CAMTA1: variants seen among roughly 807,000 people sequenced by gnomAD.
CAMTA1 encodes the protein calmodulin binding transcription activator 1.
Under a neutral mutation model 170.9 loss-of-function variants are expected in CAMTA1, and 27 were observed. That is an observed-to-expected ratio of 0.16 (90% CI 0.12 to 0.22). The LOEUF (loss-of-function observed/expected upper bound fraction) is 0.22. Among genes scored for constraint, CAMTA1 ranks in the 10% least tolerant of loss-of-function variants. The pLI is 1.00. For synonymous variants in CAMTA1, 833 were observed against 891.5 expected (o/e 0.93, Z 1.17); for missense variants, 1,619 against 2,217.2 (o/e 0.73, Z 5.42).
chr1:7,214,855 CTTTCT>C (rs1659463485), intron 4 of CAMTA1, among the ~76,000 whole-genome samples: 1 of 79,362 alleles, frequency 1.3e-5, no homozygotes, highest in Non-Finnish European at 2.4e-5. Context: ...CTTTTTCTTT[CTTTCT>C]TTTTTTTTTT....
At chr1:6,996,317 A>G (rs901807263) in intron 3 of CAMTA1, among the ~76,000 whole-genome samples, 2 of 152,194 alleles carry the variant, frequency 1.3e-5, no homozygotes, top group Non-Finnish European at 2.9e-5. Flanking sequence ...CTGTTACGCT[A>G]TTCAGAATAA....
chr1:7,510,469 G>A (rs1438300059), intron 6 of CAMTA1, among the ~76,000 whole-genome samples: 2 of 146,070 alleles, frequency 1.4e-5, no homozygotes, highest in Non-Finnish European at 3.1e-5. Flanking sequence ...CACTTGTTAA[G>A]AGGATCAGGG....
At chr1:7,177,220 G>T (rs1008051308) in intron 4 of CAMTA1, among the ~76,000 whole-genome samples, 1 of 149,742 alleles carries the variant, frequency 6.7e-6, no homozygotes, top group Non-Finnish European at 1.5e-5. Flanking sequence ...CCCACACAGT[G>T]AGGCACCACC....
chr1:7,378,300 CAGAG>C (rs2087001322), intron 5 of CAMTA1, among the ~76,000 whole-genome samples: 1 of 151,966 alleles, frequency 6.6e-6, no homozygotes, highest in Non-Finnish European at 1.5e-5. Flanking sequence ...ATCCTAGCTT[CAGAG>C]AGAGAGAGGA....
rs926262925 is a variant in CAMTA1 at position 7,173,897 on chromosome 1, C to T, written c.303-75594C>T. ...ACCCAGGGGACCCACAGGGACTCAA[C>T]AGGACCCAGCAGGTACCAACAAAAC... On this transcript the variant is annotated intron_variant, in intron 4 of 22. Transcript: ENST00000303635. This position sits in a 1 kb window ranked among gnomAD's most constrained non-coding sequence, Gnocchi z 5.4. Among the ~76,000 whole-genome samples, 1 of 152,088 alleles carries T rather than the reference C, an allele frequency of 6.6e-6. No individual in the cohort carries two copies. Among genetic ancestry groups the T allele is most frequent in the Non-Finnish European group, 1.5e-5 (1 of 68,012 alleles).
At chr1:6,804,114 G>T (rs534386557) in intron 1 of CAMTA1, among the ~76,000 whole-genome samples, 1 of 152,162 alleles carries the variant, frequency 6.6e-6, no homozygotes, top group South Asian at 2.1e-4. Context: ...AACCCGGGAG[G>T]CAGAGGTTGC....
chr1:7,451,865 G>A (rs2092832809), intron 5 of CAMTA1, among the ~76,000 whole-genome samples: 1 of 152,188 alleles, frequency 6.6e-6, no homozygotes, highest in Non-Finnish European at 1.5e-5. Flanking sequence ...AGCTCTGCTG[G>A]GCCGCGTGTG....
intron 5 of CAMTA1, among the ~76,000 whole-genome samples, chr1:7,302,465 C>G (rs903304263): frequency 1.3e-5 from 2 of 152,184 alleles, no homozygotes; most frequent in Non-Finnish European, 1.5e-5. Flanking sequence ...GAGAAATACC[C>G]GAAATATGGG....
chr1:7,164,841 A>G (rs1468818110), intron 4 of CAMTA1, among the ~76,000 whole-genome samples: 1 of 152,176 alleles, frequency 6.6e-6, no homozygotes, highest in Non-Finnish European at 1.5e-5. Context: ...ACACCAAGAG[A>G]ATGATGCAGA....
At chr1:7,623,429 C>T (rs2095612312) in intron 6 of CAMTA1, among the ~76,000 whole-genome samples, 1 of 152,202 alleles carries the variant, frequency 6.6e-6, no homozygotes, top group Non-Finnish European at 1.5e-5. Context: ...GGACCCCAGT[C>T]ATTTCAGGTT....
chr1:6,914,730 G>A (rs77086330), intron 3 of CAMTA1, among the ~76,000 whole-genome samples: 15,709 of 152,256 alleles, frequency 0.1, 1,262 homozygotes, highest in Admixed American at 0.26. Flanking sequence ...AACGAGCCAG[G>A]GGCTTTTAGT....
At chr1:7,593,489 CTT>C (rs35614673) in intron 6 of CAMTA1, among the ~76,000 whole-genome samples, 16 of 134,146 alleles carry the variant, frequency 1.2e-4, no homozygotes, top group Admixed American at 2.2e-4. Flanking sequence ...AATCCTAGCA[CTT>C]TTTTTTTTTT....
chr1:7,431,835 G>A (rs1274223192), intron 5 of CAMTA1, among the ~76,000 whole-genome samples: 1 of 152,124 alleles, frequency 6.6e-6, no homozygotes, highest in Non-Finnish European at 1.5e-5. Flanking sequence ...AGCCCCTGGA[G>A]ACCACCCTTA....
chr1:7,293,729 A>T lies in CAMTA1; in HGVS notation c.438+44103A>T, dbSNP rs1673498708. The stretch of plus-strand genomic sequence containing the variant: ...TTATCCCAGCTTAATGCTTCAAGTT[A>T]TTGGGGTTCCCCTGGGGAGCATCTT... On this transcript the variant is annotated intron_variant, in intron 5 of 22. Coordinates refer to ENST00000303635, the MANE Select transcript of CAMTA1 (RefSeq NM_015215.4). The surrounding 1 kb of genome is among the most constrained non-coding windows in gnomAD (Gnocchi z 4.1). Among the ~76,000 whole-genome samples the T allele has an allele frequency of 6.6e-6, 1 of 152,086 alleles. No individual in the cohort carries two copies. The highest frequency in any genetic ancestry group is 2.4e-5 in the African/African-American group (1 of 41,422).
At chr1:6,919,106 G>A (rs939907507) in intron 3 of CAMTA1, among the ~76,000 whole-genome samples, 1 of 152,192 alleles carries the variant, frequency 6.6e-6, no homozygotes, top group Non-Finnish European at 1.5e-5. Context: ...ACCTTTTTCC[G>A]GAGGTTTGTG....
In CAMTA1 at chr1:7,089,515, A is replaced by G. The variant is rs193013721; in HGVS notation, c.235-1789A>G. 9.9e-3 allele frequency among the ~76,000 whole-genome samples: 1,505 copies of G among 151,558 alleles called. 14 individuals carry two copies. The highest frequency in any genetic ancestry group is 0.015 in the Non-Finnish European group (1,049 of 67,866). ...GTGTGCATGCATATTTACTTCTGCC[A>G]TGCACGTTTTTCCTAGCCCCATCCC... is the stretch of plus-strand genomic sequence containing the variant. On this transcript the variant is annotated intron_variant, in intron 3 of 22. Transcript: ENST00000303635.
At chr1:7,549,002 G>A (rs567679836) in intron 6 of CAMTA1, among the ~76,000 whole-genome samples, 17 of 136,664 alleles carry the variant, frequency 1.2e-4, no homozygotes, top group African/African-American at 4.6e-4. Context: ...TAGAGGTGCT[G>A]GTGGAGGGTG....
At chr1:7,244,809 G>A (rs571467048) in intron 4 of CAMTA1, among the ~76,000 whole-genome samples, 1 of 152,146 alleles carries the variant, frequency 6.6e-6, no homozygotes, top group Non-Finnish European at 1.5e-5. Flanking sequence ...GAGTTAATGG[G>A]TGCAGCACAC....
chr1:7,158,341 G>A (rs1647015484), intron 4 of CAMTA1, among the ~76,000 whole-genome samples: 1 of 152,200 alleles, frequency 6.6e-6, no homozygotes, highest in Admixed American at 6.5e-5. Flanking sequence ...GGCTTCCTCT[G>A]TTGTGGGTGA....
Sources: allele counts gnomAD v4.1 joint callset (sites outside exome capture counted in the v4.1 genomes callset), GRCh38; gene constraint gnomAD v4.1.1; non-coding constraint Gnocchi (gnomAD v3.1); transcripts MANE v1.5; gene names NCBI Gene and HGNC (gene_info 2026-07-23, HGNC 2026-07-21).